Variants in SHISA6 observed in about 807,000 individuals in gnomAD.
SHISA6 encodes the protein shisa family member 6.
Under a neutral mutation model 47.9 loss-of-function variants are expected in SHISA6, and 22 were observed. The ratio of observed to expected loss-of-function variants is 0.46; its 90% CI spans 0.33 to 0.66. The LOEUF (loss-of-function observed/expected upper bound fraction) is 0.66. SHISA6 is among the 30% of genes least tolerant of loss of function. The pLI, the probability that SHISA6 is intolerant of heterozygous loss-of-function variation, is 0.02. For missense variants in SHISA6, 680 were observed against 764.6 expected (o/e 0.89, Z 1.30); for synonymous variants, 388 against 337.8 (o/e 1.15, Z -1.63).
intron 3 of SHISA6, among the ~76,000 whole-genome samples, chr17:11,444,562 G>A (rs1049623539): frequency 6.6e-6 from 1 of 152,092 alleles, no homozygotes; most frequent in Non-Finnish European, 1.5e-5. Context: ...TGTGAATCCA[G>A]ATGCTTTGGA....
chr17:11,377,268 T>A (rs1421339136), intron 2 of SHISA6, among the ~76,000 whole-genome samples: 2 of 152,164 alleles, frequency 1.3e-5, no homozygotes, highest in Non-Finnish European at 2.9e-5. Context: ...ACCCCCAGCC[T>A]AATAATTCTG....
chr17:11,530,180 C>G (rs995073587), intron 3 of SHISA6, among the ~76,000 whole-genome samples: 3 of 152,130 alleles, frequency 2.0e-5, no homozygotes, highest in African/African-American at 7.2e-5. Context: ...AGGACATACA[C>G]TAAGTTCTGC....
Position 11,558,321 on chromosome 17 carries a change from G to C in SHISA6, c.*17G>C. 1.3e-6 allele frequency: 2 copies of C among 1,533,422 alleles called. No homozygotes were observed. 95.0% of individuals were successfully genotyped at this position (1,533,422 alleles called of 1,614,324 possible). ...ACCGTGTGACCGGCGGGGCAGGGCC[G>C]GGGCTGCTGGGCGTGGCAGAGCAGA... On this transcript the variant is annotated 3_prime_UTR_variant, in exon 6 of 6. Transcript: ENST00000441885.
chr17:11,522,004 C>T (rs1395906038), intron 3 of SHISA6, among the ~76,000 whole-genome samples: 1 of 151,836 alleles, frequency 6.6e-6, no homozygotes, highest in Admixed American at 6.6e-5. Flanking sequence ...CTCGCTCTGT[C>T]ACCCAGGCTG....
At chr17:11,296,384 G>T (rs1341111762) in intron 2 of SHISA6, among the ~76,000 whole-genome samples, 1 of 152,170 alleles carries the variant, frequency 6.6e-6, no homozygotes, top group Non-Finnish European at 1.5e-5. Flanking sequence ...GAATGGGAAG[G>T]CTACCAAATA....
At chr17:11,296,960 C>T (rs1029199280) in intron 2 of SHISA6, among the ~76,000 whole-genome samples, 3 of 152,170 alleles carry the variant, frequency 2.0e-5, no homozygotes, top group Non-Finnish European at 4.4e-5. Flanking sequence ...GGGCTTGTAA[C>T]ATGGAAGTCA....
At chr17:11,384,029 A>G (rs572074697) in intron 3 of SHISA6, among the ~76,000 whole-genome samples, 1 of 151,792 alleles carries the variant, frequency 6.6e-6, no homozygotes, top group African/African-American at 2.4e-5. Context: ...TACATACATA[A>G]ATACATACAT....
chr17:11,372,912 C>A (rs556660573), intron 2 of SHISA6, among the ~76,000 whole-genome samples: 2 of 152,110 alleles, frequency 1.3e-5, no homozygotes, highest in African/African-American at 2.4e-5. Flanking sequence ...ATTGCTCCCC[C>A]ACCCCTCAAG....
chr17:11,533,877 C>T (rs888711557), intron 3 of SHISA6, among the ~76,000 whole-genome samples: 1 of 152,044 alleles, frequency 6.6e-6, no homozygotes, highest in Non-Finnish European at 1.5e-5. Flanking sequence ...AGGCGTGAGC[C>T]ACCGCGCCCA....
chr17:11,557,801 G>T lies in SHISA6; in HGVS notation c.1153G>T (p.Asp385Tyr). The T allele has an allele frequency of 1.3e-6, 2 of 1,551,134 alleles. No individual in the cohort carries two copies. The highest frequency in any genetic ancestry group is 1.7e-6 in the Non-Finnish European group (2 of 1,146,852). ...EYYMRRRHLP[D>Y]LAARGTLPLN... Reference sequence around the variant, plus strand: ...TTACATGAGACGGCGGCACCTGCCCGACCTGGCTGCCCGCGGCACCCTCCC... The same window carrying T: ...TTACATGAGACGGCGGCACCTGCCCTACCTGGCTGCCCGCGGCACCCTCCC... The change falls in exon 6 of 6, where the codon GAC (aspartate) becomes TAC (tyrosine). Residue 385 changes from aspartate (D) to tyrosine (Y), a missense_variant. Coordinates refer to ENST00000441885, the MANE Select transcript of SHISA6 (RefSeq NM_207386.4).
chr17:11,493,569 A>ATG (rs2071383668), intron 3 of SHISA6, among the ~76,000 whole-genome samples: 5 of 109,598 alleles, frequency 4.6e-5, no homozygotes, highest in Non-Finnish European at 8.8e-5. Flanking sequence ...ATGTGGATAC[A>ATG]CGCGTGCGCG....
chr17:11,470,038 G>A (rs749051178), intron 3 of SHISA6, among the ~76,000 whole-genome samples: 2 of 152,156 alleles, frequency 1.3e-5, no homozygotes, highest in Non-Finnish European at 2.9e-5. Flanking sequence ...ACAGAGGAAA[G>A]GCCATGTGAG....
At chr17:11,346,979 AC>A in intron 2 of SHISA6, among the ~76,000 whole-genome samples, 1 of 152,212 alleles carries the variant, frequency 6.6e-6, no homozygotes, top group Admixed American at 6.5e-5. Context: ...CCATTGCATG[AC>A]TTTTATAGGC....
chr17:11,364,537 T>C (rs1912383706), intron 2 of SHISA6, among the ~76,000 whole-genome samples: 1 of 152,218 alleles, frequency 6.6e-6, no homozygotes, highest in Non-Finnish European at 1.5e-5. Flanking sequence ...TTCACATAAG[T>C]ATTTCACATA....
chr17:11,555,205 A>G (rs1297861289), intron 4 of SHISA6, among the ~76,000 whole-genome samples: 2 of 152,060 alleles, frequency 1.3e-5, no homozygotes, highest in Non-Finnish European at 2.9e-5. Context: ...GAAAGGGGCT[A>G]CATGAGCTGT....
chr17:11,354,946 GGTC>G (rs1196644449), intron 2 of SHISA6, among the ~76,000 whole-genome samples: 2 of 152,216 alleles, frequency 1.3e-5, no homozygotes, highest in Non-Finnish European at 2.9e-5. Flanking sequence ...AGCCAAGTAA[GGTC>G]GTGATTTGGA....
intron 3 of SHISA6, among the ~76,000 whole-genome samples, chr17:11,503,795 A>T (rs906361940): frequency 6.6e-6 from 1 of 152,202 alleles, no homozygotes; most frequent in African/African-American, 2.4e-5. Flanking sequence ...AGGAATGTAT[A>T]CCAGATGTAG....
intron 1 of SHISA6, among the ~76,000 whole-genome samples, chr17:11,257,160 C>T (rs1399054173): frequency 6.6e-6 from 1 of 152,208 alleles, no homozygotes; most frequent in Non-Finnish European, 1.5e-5. Context: ...AAGCCAGCAG[C>T]TGTGTTTTTC....
intron 2 of SHISA6, among the ~76,000 whole-genome samples, chr17:11,363,491 G>T (rs182933036): frequency 2.6e-4 from 40 of 152,254 alleles, no homozygotes; most frequent in African/African-American, 9.4e-4. Flanking sequence ...AATATTGGTG[G>T]TTTCTAATTT....
Sources: allele counts gnomAD v4.1 joint callset (sites outside exome capture counted in the v4.1 genomes callset), GRCh38; gene constraint gnomAD v4.1.1; transcripts MANE v1.5; gene names NCBI Gene and HGNC (gene_info 2026-07-23, HGNC 2026-07-21).